Variants in PKIB observed in about 807,000 individuals in gnomAD.
PKIB encodes the protein PKI-beta.
In PKIB, 2 loss-of-function variants were observed where a neutral mutation model predicts 4.5. The observed-to-expected ratio is 0.44, with a 90% CI of 0.18 to 1.39. The LOEUF (loss-of-function observed/expected upper bound fraction) is 1.39, where lower values mean the gene tolerates loss of function less well. PKIB is among the 40% of genes most tolerant of loss of function. The probability of loss-of-function intolerance (pLI) is 0.27; values close to 1 mark genes in which losing one functional copy is unlikely to be tolerated. For missense variants in PKIB, 94 were observed against 92.6 expected, an observed-to-expected ratio of 1.02 and a Z score of -0.06; for synonymous variants, 38 against 36.0, an observed-to-expected ratio of 1.06 and a Z score of -0.20.
chr6:122,708,915 G>A (rs1779163661), intron 3 of PKIB, among the ~76,000 whole-genome samples: 1 of 152,162 alleles, frequency 6.6e-6, no homozygotes, highest in African/African-American at 2.4e-5. Context: ...TTACAGGCAT[G>A]AGCCATCACG....
chr6:122,572,892 G>A (rs962049774), intron 2 of PKIB, among the ~76,000 whole-genome samples: 1 of 152,036 alleles, frequency 6.6e-6, no homozygotes, highest in African/African-American at 2.4e-5. Context: ...ATAACTTCCT[G>A]GAAACATGTA....
chr6:122,684,272 A>G (rs1188925858), intron 3 of PKIB, among the ~76,000 whole-genome samples: 1 of 152,230 alleles, frequency 6.6e-6, no homozygotes, highest in African/African-American at 2.4e-5. Context: ...GCTGTACAAC[A>G]TTGTACCTTA....
chr6:122,699,200 T>C (rs1410429323), intron 3 of PKIB, among the ~76,000 whole-genome samples: 1 of 151,714 alleles, frequency 6.6e-6, no homozygotes, highest in Non-Finnish European at 1.5e-5. Context: ...TGTATACATA[T>C]GTAACTAACC....
chr6:122,582,615 T>A lies in PKIB; in HGVS notation c.-247-3306T>A, dbSNP rs1773736210. ...AGACATATAGATATGTAACCAGTTA[T>A]CTTTTCTATCCTATGTTCTTATAAC... On this transcript the variant is annotated intron_variant, in intron 2 of 6. Coordinates refer to the PKIB transcript ENST00000392491. Among the ~76,000 whole-genome samples, 3 of 152,106 alleles carry A rather than the reference T, an allele frequency of 2.0e-5. No individual in the cohort carries two copies. The South Asian group carries it at 6.2e-4, about 32-fold the overall frequency.
intron 2 of PKIB, among the ~76,000 whole-genome samples, chr6:122,552,668 A>C (rs1002324314): frequency 3.9e-5 from 6 of 152,010 alleles, no homozygotes; most frequent in Non-Finnish European, 8.8e-5. Flanking sequence ...ACGAGCCACC[A>C]CACCCAACCC....
chr6:122,571,213 G>C (rs979708306), intron 2 of PKIB, among the ~76,000 whole-genome samples: 13 of 152,058 alleles, frequency 8.5e-5, no homozygotes, highest in Admixed American at 8.5e-4. Context: ...GAAAAAAGAA[G>C]CAAAAGAAAT....
chr6:122,594,286 C>T (rs999291274), intron 3 of PKIB, among the ~76,000 whole-genome samples: 14 of 151,728 alleles, frequency 9.2e-5, no homozygotes, highest in Middle Eastern at 6.8e-3. Flanking sequence ...CTGCTCACTG[C>T]AACCTCTGCC....
chr6:122,674,361 G>T (rs1777587842), intron 2 of PKIB, among the ~76,000 whole-genome samples: 1 of 152,164 alleles, frequency 6.6e-6, no homozygotes, highest in Non-Finnish European at 1.5e-5. Context: ...GTGAATGGTA[G>T]GTTGAACTAA....
intron 2 of PKIB, chr6:122,481,278 C>T (rs1374062046): frequency 6.6e-6 from 1 of 152,104 alleles, no homozygotes; most frequent in Non-Finnish European, 1.5e-5. Context: ...AATTAAGGGA[C>T]ATTATGCAAC....
At chr6:122,511,091 TCTC>T in intron 2 of PKIB, among the ~76,000 whole-genome samples, 1 of 152,234 alleles carries the variant, frequency 6.6e-6, no homozygotes, top group East Asian at 1.9e-4. Flanking sequence ...GACTCCTTTC[TCTC>T]CTCCTGTGAC....
At chr6:122,540,635 T>A (rs962928743) in intron 2 of PKIB, among the ~76,000 whole-genome samples, 2 of 152,110 alleles carry the variant, frequency 1.3e-5, no homozygotes, top group Admixed American at 6.5e-5. Flanking sequence ...TGTGGTGTGG[T>A]GCTGAAAAAA....
intron 3 of PKIB, among the ~76,000 whole-genome samples, chr6:122,692,156 A>C (rs1778381749): frequency 6.6e-6 from 1 of 152,184 alleles, no homozygotes; most frequent in Admixed American, 6.5e-5. Context: ...CCAGCATTGC[A>C]TTGAGTCTTG....
chr6:122,720,262 T>C (rs1381447238), intron 4 of PKIB, among the ~76,000 whole-genome samples: 3 of 152,192 alleles, frequency 2.0e-5, no homozygotes. Flanking sequence ...TGCATGAAAT[T>C]AACCTGAGAT....
At chr6:122,538,853 A>C (rs1012083506) in intron 2 of PKIB, among the ~76,000 whole-genome samples, 10 of 151,812 alleles carry the variant, frequency 6.6e-5, no homozygotes, top group Non-Finnish European at 1.2e-4. Context: ...CTTTTATTTC[A>C]TTGAGCAGTG....
intron 2 of PKIB, among the ~76,000 whole-genome samples, chr6:122,512,802 A>T (rs1776627381): frequency 6.6e-6 from 1 of 152,238 alleles, no homozygotes; most frequent in Non-Finnish European, 1.5e-5. Context: ...AAAATTAGAC[A>T]TGTCAATGTC....
In PKIB at chr6:122,486,527, A is replaced by G. The variant is rs186572157; in HGVS notation, c.-248+8588A>G. On this transcript the variant is annotated intron_variant, in intron 2 of 6. Coordinates refer to the PKIB transcript ENST00000392491. ...CATCCTCTATGTTCCAATAGTATCT[A>G]ACTTCCATTATGTTCCTTCTAATTT... 5.1e-4 allele frequency among the ~76,000 whole-genome samples: 77 copies of G among 152,140 alleles called. 1 individual carries two copies. In the East Asian group the frequency reaches 0.014, roughly 28 times the overall value.
At chr6:122,640,576 A>G (rs1304421200) in intron 2 of PKIB, among the ~76,000 whole-genome samples, 1 of 152,178 alleles carries the variant, frequency 6.6e-6, no homozygotes, top group African/African-American at 2.4e-5. Context: ...GCTAGGGTTT[A>G]GTTCTAAGTA....
intron 2 of PKIB, among the ~76,000 whole-genome samples, chr6:122,557,324 A>G (rs1043420852): frequency 1.2e-4 from 18 of 152,288 alleles, no homozygotes; most frequent in African/African-American, 4.3e-4. Context: ...TTTCAACTCA[A>G]CCGATACCTG....
intron 4 of PKIB, among the ~76,000 whole-genome samples, chr6:122,720,173 T>C (rs1175379873): frequency 2.6e-5 from 4 of 152,294 alleles, no homozygotes; most frequent in Non-Finnish European, 5.9e-5. Context: ...CTCAGATCTA[T>C]CCTTTGTTTT....
Sources: allele counts gnomAD v4.1 joint callset (sites outside exome capture counted in the v4.1 genomes callset), GRCh38; gene constraint gnomAD v4.1.1; transcripts MANE v1.5; gene names NCBI Gene and HGNC (gene_info 2026-07-23, HGNC 2026-07-21).